CAST: variants seen among roughly 807,000 people sequenced by gnomAD.
CAST encodes the protein calpastatin.
Under a neutral mutation model 119.6 loss-of-function variants are expected in CAST, and 76 were observed. The ratio of observed to expected loss-of-function variants is 0.64; its 90% CI spans 0.53 to 0.77. CAST has a LOEUF of 0.77. CAST is among the 30% of genes least tolerant of loss of function. The pLI is 0.00. For missense variants in CAST, 953 were observed against 946.5 expected (o/e 1.01, Z -0.09); for synonymous variants, 319 against 331.6 (o/e 0.96, Z 0.41).
At chr5:96,302,998 C>G in the CAST span, among the ~76,000 whole-genome samples, 2 of 152,136 alleles carry the variant, frequency 1.3e-5, no homozygotes, top group African/African-American at 4.8e-5. Flanking sequence ...TTAGTCCATT[C>G]CCACATGGCT....
the CAST span, among the ~76,000 whole-genome samples, chr5:96,452,666 A>AAT: frequency 7.1e-6 from 1 of 139,862 alleles, no homozygotes; most frequent in African/African-American, 2.6e-5. Context: ...AAAAAAAAAA[A>AAT]GAGGCCGGGC....
At chr5:96,274,574 C>G in the CAST span, among the ~76,000 whole-genome samples, 1 of 152,212 alleles carries the variant, frequency 6.6e-6, no homozygotes, top group Non-Finnish European at 1.5e-5. Flanking sequence ...GTTTGTGTCA[C>G]TATTAAAGTT....
the CAST span, among the ~76,000 whole-genome samples, chr5:96,277,365 TGG>T: frequency 6.7e-6 from 1 of 150,322 alleles, no homozygotes. Context: ...GCTTTTATAT[TGG>T]TTTTTTTTTC....
chr5:96,177,685 C>CTTA, the CAST span, among the ~76,000 whole-genome samples: 2 of 152,118 alleles, frequency 1.3e-5, no homozygotes, highest in Non-Finnish European at 2.9e-5. Flanking sequence ...AATTTCTGAC[C>CTTA]TTAAGCATGT....
chr5:96,602,017 T>C lies in CAST; in HGVS notation c.60+72137T>C, dbSNP rs1428260642. Among the ~76,000 whole-genome samples, 7 of 152,208 alleles carry C rather than the reference T, an allele frequency of 4.6e-5. 1 individual carries two copies. Among genetic ancestry groups the C allele is most frequent in the Admixed American group, 3.9e-4 (6 of 15,286 alleles). Reference sequence around the variant, plus strand: ...CTTGGGGTTTAGCTTCAAACTCTCTTGAGTGGCAGGCAGCTCTCTCTGTGA... The same window carrying C: ...CTTGGGGTTTAGCTTCAAACTCTCTCGAGTGGCAGGCAGCTCTCTCTGTGA... On this transcript the variant is annotated intron_variant, in intron 1 of 11. Coordinates refer to the CAST transcript ENST00000505143.
the CAST span, among the ~76,000 whole-genome samples, chr5:96,414,066 G>T: frequency 6.7e-6 from 1 of 150,032 alleles, no homozygotes; most frequent in East Asian, 2.0e-4. Flanking sequence ...ATGAACCCGG[G>T]AGGCGGAGCT....
the CAST span, among the ~76,000 whole-genome samples, chr5:96,047,351 G>A: frequency 2.0e-5 from 3 of 152,030 alleles, no homozygotes; most frequent in African/African-American, 4.8e-5. Context: ...GGTGAATTAT[G>A]GCAAATTCTA....
intron 30 of CAST, among the ~76,000 whole-genome samples, chr5:96,770,945 AG>A (rs1412313109): frequency 6.6e-6 from 1 of 152,128 alleles, no homozygotes; most frequent in Non-Finnish European, 1.5e-5. Context: ...AAATTACTCA[AG>A]CTGTGATGAG....
the CAST span, among the ~76,000 whole-genome samples, chr5:95,965,766 T>C: frequency 6.6e-6 from 1 of 152,202 alleles, no homozygotes; most frequent in Non-Finnish European, 1.5e-5. Context: ...AGTGGAAGCT[T>C]GATAGTTTTA....
chr5:96,212,855 T>A, the CAST span, among the ~76,000 whole-genome samples: 6 of 152,172 alleles, frequency 3.9e-5, no homozygotes, highest in Non-Finnish European at 8.8e-5. Flanking sequence ...CAATGATCCA[T>A]GCCTGTAATC....
the CAST span, among the ~76,000 whole-genome samples, chr5:96,473,619 T>C: frequency 6.6e-6 from 1 of 152,204 alleles, no homozygotes; most frequent in Non-Finnish European, 1.5e-5. Context: ...CACATGTGAA[T>C]GGAGCCTGAC....
the CAST span, among the ~76,000 whole-genome samples, chr5:96,307,232 G>T: frequency 6.6e-6 from 1 of 152,086 alleles, no homozygotes; most frequent in Non-Finnish European, 1.5e-5. Flanking sequence ...TTTGATCTTT[G>T]TTGGTTTAAA....
the CAST span, among the ~76,000 whole-genome samples, chr5:96,327,351 G>A: frequency 2.0e-5 from 3 of 152,146 alleles, no homozygotes; most frequent in Non-Finnish European, 2.9e-5. Context: ...ACTGCCTTCT[G>A]ATCCCCAAGG....
the CAST span, among the ~76,000 whole-genome samples, chr5:96,415,601 A>G: frequency 6.6e-6 from 1 of 152,248 alleles, no homozygotes; most frequent in African/African-American, 2.4e-5. Context: ...GCTATTTAAT[A>G]TAATAAGTAT....
At chr5:96,393,033 C>T in the CAST span, 2 of 1,614,184 alleles carry the variant, frequency 1.2e-6, no homozygotes, top group Non-Finnish European at 1.7e-6. Flanking sequence ...TCCACCAGAG[C>T]TTGAAGCAGC....
the CAST span, among the ~76,000 whole-genome samples, chr5:96,133,508 G>A: frequency 1.3e-5 from 2 of 152,100 alleles, no homozygotes; most frequent in East Asian, 1.9e-4. Flanking sequence ...GACATGAGAG[G>A]GGTGAAGTAT....
chr5:96,453,492 A>G, the CAST span, among the ~76,000 whole-genome samples: 1 of 152,222 alleles, frequency 6.6e-6, no homozygotes, highest in Non-Finnish European at 1.5e-5. Context: ...GACTAATATA[A>G]AAAAGAAACA....
At chr5:96,082,200 C>G in the CAST span, among the ~76,000 whole-genome samples, 1 of 152,194 alleles carries the variant, frequency 6.6e-6, no homozygotes, top group African/African-American at 2.4e-5. Flanking sequence ...GTGTGAGCCA[C>G]CACACCCAGC....
chr5:96,420,110 C>G, the CAST span, among the ~76,000 whole-genome samples: 3 of 152,096 alleles, frequency 2.0e-5, no homozygotes, highest in Non-Finnish European at 1.5e-5. Context: ...CTACTCCACT[C>G]TAAGAAGGCT....
Sources: allele counts gnomAD v4.1 joint callset (sites outside exome capture counted in the v4.1 genomes callset), GRCh38; gene constraint gnomAD v4.1.1; transcripts MANE v1.5; gene names NCBI Gene and HGNC (gene_info 2026-07-23, HGNC 2026-07-21).